The following THSD7A variants were observed in gnomAD, a reference collection of about 807,000 sequenced individuals.
The protein encoded by THSD7A is thrombospondin type 1 domain containing 7A, also known as thrombospondin type-1 domain-containing protein 7A.
Under a neutral mutation model 231.3 loss-of-function variants are expected in THSD7A, and 96 were observed. The observed-to-expected ratio is 0.41, with a 90% CI of 0.35 to 0.49. The LOEUF is 0.49. Ranked by LOEUF, THSD7A falls within the 20% of genes least tolerant of loss-of-function variation. The probability of loss-of-function intolerance (pLI) is 0.05; values close to 1 mark genes in which losing one functional copy is unlikely to be tolerated. For missense variants in THSD7A, 2,290 were observed against 2,070.2 expected (o/e 1.11, Z -2.06); for synonymous variants, 940 against 743.3 (o/e 1.26, Z -4.30).
At chr7:11,625,650 C>CCT (rs1781452447) in intron 2 of THSD7A, among the ~76,000 whole-genome samples, 1 of 151,964 alleles carries the variant, frequency 6.6e-6, no homozygotes, top group African/African-American at 2.4e-5. Context: ...CATGGAATTA[C>CCT]TAATATAATG....
chr7:11,598,384 T>TC (rs1780440739), intron 2 of THSD7A, among the ~76,000 whole-genome samples: 1 of 152,152 alleles, frequency 6.6e-6, no homozygotes, highest in Admixed American at 6.5e-5. Context: ...GTGGATAGGA[T>TC]GACCTGTTCT....
In THSD7A at chr7:11,541,482, C is replaced by A; in HGVS notation, c.1759G>T (p.Asp587Tyr). ...KAVRLGNCEP[D>Y]NGKECGPGTQ... ...CCTGGACCACACTCCTTTCCGTTAT[C>A]TGGCTCGCAGTTTCCCAGTCTCACT... Residue 587 changes from aspartate to tyrosine, a missense_variant, in exon 6 of 28, where the codon GAT becomes TAT. Transcript: ENST00000423059. The A allele has an allele frequency of 6.2e-7, 1 of 1,613,966 alleles. No individual in the cohort carries two copies. Among genetic ancestry groups the A allele is most frequent in the Non-Finnish European group, 8.5e-7 (1 of 1,179,888 alleles).
At chr7:11,569,840 T>A (rs1338610333) in intron 4 of THSD7A, among the ~76,000 whole-genome samples, 1 of 152,176 alleles carries the variant, frequency 6.6e-6, no homozygotes, top group Non-Finnish European at 1.5e-5. Context: ...ATACTATTCA[T>A]CCATACAAAG....
intron 1 of THSD7A, among the ~76,000 whole-genome samples, chr7:11,745,517 C>T (rs1001719189): frequency 6.6e-6 from 1 of 152,002 alleles, no homozygotes; most frequent in African/African-American, 2.4e-5. Context: ...GAAGTCCTTG[C>T]CCATGCCTAT....
At chr7:11,734,021 C>G (rs1239329451) in intron 1 of THSD7A, among the ~76,000 whole-genome samples, 2 of 151,734 alleles carry the variant, frequency 1.3e-5, no homozygotes, top group Admixed American at 1.3e-4. Flanking sequence ...CTTTGTCTTC[C>G]CTTCTAACCT....
At chr7:11,820,405 A>G in intron 1 of THSD7A, 1 of 1,328,680 alleles carries the variant, frequency 7.5e-7, no homozygotes, top group Non-Finnish European at 1.0e-6. Flanking sequence ...CTCCCCACTG[A>G]ACTTGTCATG....
chr7:11,655,780 C>G (rs1277037173), intron 1 of THSD7A, among the ~76,000 whole-genome samples: 1 of 151,900 alleles, frequency 6.6e-6, no homozygotes, highest in African/African-American at 2.4e-5. Flanking sequence ...TCTGCTAAGT[C>G]ATCTCACACA....
intron 1 of THSD7A, among the ~76,000 whole-genome samples, chr7:11,748,395 C>T (rs1007460462): frequency 2.6e-5 from 4 of 151,828 alleles, no homozygotes; most frequent in Non-Finnish European, 5.9e-5. Flanking sequence ...AAACCATTCC[C>T]CGATTATCAA....
At chr7:11,649,359 C>T (rs753176769) in intron 1 of THSD7A, among the ~76,000 whole-genome samples, 1 of 151,924 alleles carries the variant, frequency 6.6e-6, no homozygotes, top group Non-Finnish European at 1.5e-5. Context: ...CTAAACTGTA[C>T]CTGAATTTCT....
At chr7:11,435,768 C>T (rs926049106) in intron 13 of THSD7A, among the ~76,000 whole-genome samples, 5 of 151,658 alleles carry the variant, frequency 3.3e-5, no homozygotes, top group African/African-American at 1.2e-4. Context: ...GTCAGCTGTT[C>T]TAGTGAATTA....
intron 2 of THSD7A, among the ~76,000 whole-genome samples, chr7:11,627,451 A>G (rs1324286315): frequency 6.6e-6 from 1 of 152,116 alleles, no homozygotes; most frequent in East Asian, 1.9e-4. Context: ...ATAGCCTTTC[A>G]TAATATAACA....
At chr7:11,519,584 C>A (rs1257636963) in intron 6 of THSD7A, among the ~76,000 whole-genome samples, 3 of 151,730 alleles carry the variant, frequency 2.0e-5, no homozygotes, top group African/African-American at 7.2e-5. Flanking sequence ...CACTTTTAGC[C>A]ATTTTGGTGT....
intron 11 of THSD7A, among the ~76,000 whole-genome samples, chr7:11,458,339 T>A (rs1241639968): frequency 6.6e-6 from 1 of 152,088 alleles, no homozygotes; most frequent in African/African-American, 2.4e-5. Flanking sequence ...TAAAAGATAC[T>A]TCTACATTCT....
At chr7:11,542,162 A>G (rs1789178887) in intron 5 of THSD7A, among the ~76,000 whole-genome samples, 1 of 152,228 alleles carries the variant, frequency 6.6e-6, no homozygotes, top group Non-Finnish European at 1.5e-5. Context: ...AGTTGATTTT[A>G]GACCCTCTGG....
At chr7:11,605,326 A>G (rs1342962163) in intron 2 of THSD7A, among the ~76,000 whole-genome samples, 2 of 152,134 alleles carry the variant, frequency 1.3e-5, no homozygotes, top group African/African-American at 2.4e-5. Context: ...CTTCTAATCC[A>G]GGGAAAGTCA....
At chr7:11,708,601 G>A (rs1164996482) in intron 1 of THSD7A, among the ~76,000 whole-genome samples, 1 of 150,650 alleles carries the variant, frequency 6.6e-6, no homozygotes. Flanking sequence ...AAATTTTTGA[G>A]TAGATTATCT....
intron 4 of THSD7A, among the ~76,000 whole-genome samples, chr7:11,546,750 A>T (rs1466719937): frequency 6.6e-6 from 1 of 152,214 alleles, no homozygotes; most frequent in East Asian, 1.9e-4. Context: ...GATGGAATTC[A>T]GAGTCTGGAT....
At chr7:11,693,554 A>T (rs1780298012) in intron 1 of THSD7A, among the ~76,000 whole-genome samples, 1 of 151,678 alleles carries the variant, frequency 6.6e-6, no homozygotes, top group African/African-American at 2.4e-5. Context: ...TCAGAATAGT[A>T]AAGTTAGGGT....
rs768813990 is a variant in THSD7A at position 11,469,977 on chromosome 7, C to T, written c.2270G>A (p.Arg757Gln). ...CAGACAAGGCCTTACAGTTTCAGGT[C>T]GAAGGCTTTCAGGACATCTAGAAAG... Reference protein sequence around the residue: ...VGPKKCPESLRPETVRPCLLP... With the variant: ...VGPKKCPESLQPETVRPCLLP... The change falls in exon 9 of 28, where the codon CGA (arginine) becomes CAA (glutamine). Residue 757 changes from arginine (R) to glutamine (Q), a missense_variant. By Grantham distance (43) the Arg-to-Gln change is conservative. Coordinates refer to ENST00000423059, the MANE Select transcript of THSD7A (RefSeq NM_015204.3). The T allele has an allele frequency of 1.3e-5, 21 of 1,590,048 alleles. No homozygotes were observed. Among genetic ancestry groups the T allele is most frequent in the Admixed American group, 5.2e-5 (3 of 57,170 alleles).
Sources: allele counts gnomAD v4.1 joint callset (sites outside exome capture counted in the v4.1 genomes callset), GRCh38; gene constraint gnomAD v4.1.1; transcripts MANE v1.5; gene names NCBI Gene and HGNC (gene_info 2026-07-23, HGNC 2026-07-21).